ENTREP2: variants seen among roughly 807,000 people sequenced by gnomAD.
ENTREP2 encodes the protein endosomal transmembrane epsin interactor 2, also known as protein ENTREP2.
chr15:29,670,220 C>T, the ENTREP2 span, among the ~76,000 whole-genome samples: 69 of 152,072 alleles, frequency 4.5e-4, no homozygotes, highest in African/African-American at 1.7e-3. Context: ...GACAGCAGTG[C>T]GGTTGGCAGA....
the ENTREP2 span, among the ~76,000 whole-genome samples, chr15:29,433,245 G>T: frequency 6.6e-6 from 1 of 152,176 alleles, no homozygotes; most frequent in Admixed American, 6.5e-5. Context: ...GCCAACCTCA[G>T]TTCACTGTGT....
chr15:29,667,487 CT>C, the ENTREP2 span, among the ~76,000 whole-genome samples: 16,482 of 104,618 alleles, frequency 0.16, 832 homozygotes, highest in South Asian at 0.27. Context: ...TGCGCCTGGC[CT>C]TTTTTTTTTT....
chr15:29,233,750 G>C, the ENTREP2 span: 1 of 1,490,694 alleles, frequency 6.7e-7, no homozygotes, highest in Non-Finnish European at 9.4e-7. Flanking sequence ...AACCACAGAA[G>C]AAGGTGAATC....
the ENTREP2 span, among the ~76,000 whole-genome samples, chr15:29,361,591 C>T: frequency 6.6e-6 from 1 of 152,182 alleles, no homozygotes; most frequent in Non-Finnish European, 1.5e-5. Context: ...CATATCTTAA[C>T]CTTCTTAGTT....
the ENTREP2 span, among the ~76,000 whole-genome samples, chr15:29,425,959 GTTTATC>G: frequency 6.7e-6 from 1 of 150,120 alleles, no homozygotes; most frequent in Admixed American, 6.6e-5. Context: ...AATGCTTCCT[GTTTATC>G]TTTAATAACT....
At chr15:29,364,248 G>A in the ENTREP2 span, among the ~76,000 whole-genome samples, 1 of 152,008 alleles carries the variant, frequency 6.6e-6, no homozygotes, top group Admixed American at 6.5e-5. Context: ...AGGTTTTTTT[G>A]GTTATATTTT....
the ENTREP2 span, among the ~76,000 whole-genome samples, chr15:29,312,876 C>T: frequency 6.6e-6 from 1 of 152,172 alleles, no homozygotes. Flanking sequence ...GTGAGGAAGG[C>T]ATGTTAAAAG....
the ENTREP2 span, among the ~76,000 whole-genome samples, chr15:29,665,464 C>T: frequency 1.3e-5 from 2 of 152,292 alleles, no homozygotes; most frequent in African/African-American, 2.4e-5. Context: ...AGACATCAAT[C>T]GCTACCACTT....
the ENTREP2 span, chr15:29,234,140 C>T: frequency 6.4e-7 from 1 of 1,557,974 alleles, no homozygotes; most frequent in Non-Finnish European, 8.9e-7. Context: ...ACTCTGCTCT[C>T]CATGTCATTC....
the ENTREP2 span, among the ~76,000 whole-genome samples, chr15:29,619,328 G>C: frequency 6.6e-6 from 1 of 152,160 alleles, no homozygotes; most frequent in African/African-American, 2.4e-5. Flanking sequence ...GGAGGCGGAG[G>C]TTGCAGTGAG....
At chr15:29,214,749 G>A in the ENTREP2 span, among the ~76,000 whole-genome samples, 4 of 151,922 alleles carry the variant, frequency 2.6e-5, no homozygotes, top group African/African-American at 9.7e-5. Context: ...GTATTTGCAT[G>A]GTTTTGAAGG....
the ENTREP2 span, among the ~76,000 whole-genome samples, chr15:29,641,774 G>T: frequency 2.0e-5 from 3 of 150,154 alleles, no homozygotes; most frequent in African/African-American, 7.4e-5. Context: ...AGAGGTTGGA[G>T]TGAGCCAAGA....
the ENTREP2 span, among the ~76,000 whole-genome samples, chr15:29,667,487 CTTTTTTTTTT>C: frequency 2.9e-5 from 3 of 104,702 alleles, no homozygotes; most frequent in Non-Finnish European, 5.5e-5. Context: ...TGCGCCTGGC[CTTTTTTTTTT>C]TTTTTTTTTT....
the ENTREP2 span, among the ~76,000 whole-genome samples, chr15:29,239,611 T>C: frequency 6.6e-6 from 1 of 152,166 alleles, no homozygotes. Context: ...TAACCAGACT[T>C]TCAAGGATAA....
the ENTREP2 span, among the ~76,000 whole-genome samples, chr15:29,351,915 A>G: frequency 1.3e-5 from 2 of 152,066 alleles, no homozygotes; most frequent in African/African-American, 4.8e-5. Context: ...CTGGGATTAC[A>G]TGCACGAGCC....
At chr15:29,413,262 A>C in the ENTREP2 span, among the ~76,000 whole-genome samples, 2 of 152,298 alleles carry the variant, frequency 1.3e-5, no homozygotes, top group South Asian at 4.1e-4. Flanking sequence ...CAGTATATGT[A>C]AATTATACCT....
the ENTREP2 span, among the ~76,000 whole-genome samples, chr15:29,134,021 C>T: frequency 1.3e-5 from 2 of 152,248 alleles, no homozygotes; most frequent in Admixed American, 6.5e-5. Context: ...TGATGCCCAC[C>T]CAGCCTGACC....
chr15:29,591,060 AC>A, the ENTREP2 span, among the ~76,000 whole-genome samples: 2 of 152,246 alleles, frequency 1.3e-5, no homozygotes, highest in African/African-American at 2.4e-5. Flanking sequence ...ATTATTAAAT[AC>A]AATTTCTCAT....
At chr15:29,208,207 G>A in the ENTREP2 span, among the ~76,000 whole-genome samples, 1 of 129,764 alleles carries the variant, frequency 7.7e-6, no homozygotes, top group African/African-American at 3.0e-5. Context: ...TCAACACACT[G>A]TTCTGGGCAC....
Sources: gnomAD v4.1 joint callset for allele counts (sites outside exome capture counted in the v4.1 genomes callset) on GRCh38, gnomAD v4.1.1 for gene constraint, MANE v1.5 for transcripts, NCBI Gene and HGNC (gene_info 2026-07-23, HGNC 2026-07-21) for gene names.